The following PRKN variants were observed in gnomAD, a reference collection of about 807,000 sequenced individuals.
The protein encoded by PRKN is E3 ubiquitin-protein ligase parkin.
Under a neutral mutation model 59.5 loss-of-function variants are expected in PRKN, and 56 were observed. The ratio of observed to expected loss-of-function variants is 0.94; its 90% CI spans 0.76 to 1.18. PRKN has a LOEUF of 1.18. Ranked by LOEUF, PRKN falls within the 50% of genes most tolerant of loss-of-function variation. The pLI is 0.00. For missense variants in PRKN, 657 were observed against 596.4 expected (o/e 1.10, Z -1.06); for synonymous variants, 250 against 222.1 (o/e 1.13, Z -1.12).
rs1554275156 is a variant in PRKN, at chr6:161,550,738, C to CGTGTGTGCACGTGT, written c.934-1736_934-1735insACACGTGCACACAC. 2.1e-5 allele frequency among the ~76,000 whole-genome samples: 3 copies of CGTGTGTGCACGTGT among 146,308 alleles called. No individual in the cohort carries two copies. Among genetic ancestry groups the CGTGTGTGCACGTGT allele is most frequent in the Non-Finnish European group, 4.5e-5 (3 of 66,754 alleles). ...AAGAAAGGGTATGTGTGTGTGTGCA[C>CGTGTGTGCACGTGT]GTGTGTGTGTGTGTGTGTGTGTGTA... On this transcript the variant is annotated intron_variant, in intron 8 of 11. Coordinates refer to ENST00000366898, the MANE Select transcript of PRKN (RefSeq NM_004562.3). This position sits in a 1 kb window ranked among gnomAD's most constrained non-coding sequence, Gnocchi z 4.0.
intron 1 of PRKN, among the ~76,000 whole-genome samples, chr6:162,707,428 C>G (rs982345071): frequency 6.6e-6 from 1 of 152,110 alleles, no homozygotes; most frequent in African/African-American, 2.4e-5. Context: ...CTGTATTTAC[C>G]ATGGCAGGAA....
chr6:162,680,557 T>C (rs1018585562), intron 1 of PRKN, among the ~76,000 whole-genome samples: 7 of 152,074 alleles, frequency 4.6e-5, no homozygotes, highest in African/African-American at 7.2e-5. Flanking sequence ...CTTTTAGAGG[T>C]ACCAGATCTG....
At position 161,908,998 on chromosome 6, in the gene PRKN, T is replaced by C. The variant is rs116630987; in HGVS notation, c.734+64304A>G. 2.3e-3 allele frequency among the ~76,000 whole-genome samples: 349 copies of C among 152,284 alleles called. 2 individuals are homozygous for C. The highest frequency in any genetic ancestry group is 7.8e-3 in the African/African-American group (323 of 41,548). On this transcript the variant is annotated intron_variant, in intron 6 of 11. Coordinates refer to ENST00000366898, the MANE Select transcript of PRKN (RefSeq NM_004562.3). ...AAATAAAATAAATTGAAGAGAGGCC[T>C]GTAATGTAAGGGGCGCTGTGTCACT...
intron 2 of PRKN, among the ~76,000 whole-genome samples, chr6:162,400,459 A>ATAT (rs1787728974): frequency 2.2e-5 from 1 of 46,308 alleles, no homozygotes; most frequent in African/African-American, 5.7e-5. Flanking sequence ...GTAAATATCA[A>ATAT]AAAAAAAAAA....
intron 7 of PRKN, among the ~76,000 whole-genome samples, chr6:161,779,435 C>CTTTCCTTTTT (rs1234367519): frequency 4.9e-5 from 2 of 40,432 alleles, no homozygotes; most frequent in African/African-American, 8.2e-5. Flanking sequence ...TTTTTCTTTT[C>CTTTCCTTTTT]TTTTCTTTTT....
At chr6:162,527,102 T>G (rs1778318486) in intron 1 of PRKN, among the ~76,000 whole-genome samples, 1 of 152,242 alleles carries the variant, frequency 6.6e-6, no homozygotes, top group East Asian at 1.9e-4. Flanking sequence ...TACTAAGGCT[T>G]GTTCTCTGCT....
intron 7 of PRKN, among the ~76,000 whole-genome samples, chr6:161,702,595 A>T (rs1316726270): frequency 6.6e-6 from 1 of 152,100 alleles, no homozygotes; most frequent in Non-Finnish European, 1.5e-5. Context: ...CAGTCTGGGA[A>T]GATGGAAAAT....
At chr6:162,609,069 A>G (rs1334334665) in intron 1 of PRKN, among the ~76,000 whole-genome samples, 3 of 152,232 alleles carry the variant, frequency 2.0e-5, no homozygotes, top group Admixed American at 2.0e-4. Context: ...TTCTTCACAA[A>G]GAGGACCAAC....
At chr6:161,729,637 G>A (rs1286070678) in intron 7 of PRKN, among the ~76,000 whole-genome samples, 1 of 152,168 alleles carries the variant, frequency 6.6e-6, no homozygotes, top group Non-Finnish European at 1.5e-5. Context: ...GATGTGATGT[G>A]TGTCAAAAGG....
At chr6:161,759,138 C>T (rs1266479066) in intron 7 of PRKN, among the ~76,000 whole-genome samples, 1 of 151,512 alleles carries the variant, frequency 6.6e-6, no homozygotes, top group Admixed American at 6.6e-5. Flanking sequence ...GATTGCACCA[C>T]TGCATTCCAG....
rs1405503975 is a variant in PRKN, at chr6:161,390,900, C to T, written c.1084-4023G>A. Among the ~76,000 whole-genome samples, 1 of 152,146 alleles carries T rather than the reference C, an allele frequency of 6.6e-6. No individual in the cohort carries two copies. The highest frequency in any genetic ancestry group is 1.5e-5 in the Non-Finnish European group (1 of 68,044). On this transcript the variant is annotated intron_variant, in intron 9 of 11. Coordinates refer to ENST00000366898, the MANE Select transcript of PRKN (RefSeq NM_004562.3). This position sits in a 1 kb window ranked among gnomAD's most constrained non-coding sequence, Gnocchi z 7.0. ...TATGACATTAATTCTTACTATGCTACGTGGTACAAAACCTTTCATAACCAC... is the reference window on the plus strand; with the variant it reads ...TATGACATTAATTCTTACTATGCTATGTGGTACAAAACCTTTCATAACCAC...
At chr6:161,669,999 G>T (rs571437273) in intron 7 of PRKN, among the ~76,000 whole-genome samples, 74 of 152,336 alleles carry the variant, frequency 4.9e-4, no homozygotes, top group African/African-American at 1.8e-3. Flanking sequence ...CTGGATCTCA[G>T]TCTGGCATCC....
intron 3 of PRKN, among the ~76,000 whole-genome samples, chr6:162,248,198 T>C (rs1779276812): frequency 6.6e-6 from 1 of 152,146 alleles, no homozygotes; most frequent in Non-Finnish European, 1.5e-5. Context: ...GTACATGAAA[T>C]GTTATGCACA....
At chr6:162,285,918 G>A (rs565913162) in intron 2 of PRKN, among the ~76,000 whole-genome samples, 2 of 152,254 alleles carry the variant, frequency 1.3e-5, no homozygotes, top group Admixed American at 6.5e-5. Context: ...GTGTGGCGGC[G>A]GGGGCATAGA....
At chr6:162,336,228 G>A (rs73026886) in intron 2 of PRKN, among the ~76,000 whole-genome samples, 10,869 of 152,096 alleles carry the variant, frequency 0.071, 979 homozygotes, top group East Asian at 0.46. Context: ...AGTATAAAAT[G>A]TATACAATGT....
At chr6:161,705,166 C>T (rs550338764) in intron 7 of PRKN, among the ~76,000 whole-genome samples, 26 of 152,174 alleles carry the variant, frequency 1.7e-4, no homozygotes, top group African/African-American at 5.8e-4. Context: ...AGAGGCTCCT[C>T]GACTTACAAT....
intron 2 of PRKN, among the ~76,000 whole-genome samples, chr6:162,438,156 TCTTAA>T (rs1471082666): frequency 1.3e-5 from 2 of 152,216 alleles, no homozygotes; most frequent in East Asian, 1.9e-4. Flanking sequence ...CTTTATACAT[TCTTAA>T]CTTGTCATGC....
intron 7 of PRKN, among the ~76,000 whole-genome samples, chr6:161,741,305 T>C (rs1788172247): frequency 6.6e-6 from 1 of 152,130 alleles, no homozygotes; most frequent in Non-Finnish European, 1.5e-5. Flanking sequence ...GAGGACCTGA[T>C]TCAAAGCCCT....
chr6:162,430,136 A>T (rs1789438594), intron 2 of PRKN, among the ~76,000 whole-genome samples: 1 of 150,234 alleles, frequency 6.7e-6, no homozygotes, highest in Non-Finnish European at 1.5e-5. Flanking sequence ...TCCTGGATGC[A>T]GCACTTTGAT....
Sources: allele counts gnomAD v4.1 joint callset (sites outside exome capture counted in the v4.1 genomes callset), GRCh38; gene constraint gnomAD v4.1.1; non-coding constraint Gnocchi (gnomAD v3.1); transcripts MANE v1.5; gene names NCBI Gene and HGNC (gene_info 2026-07-23, HGNC 2026-07-21).